Variants in INPP5F observed in about 807,000 individuals in gnomAD.
INPP5F encodes inositol polyphosphate-5-phosphatase F.
In INPP5F, 97 loss-of-function variants were observed where a neutral mutation model predicts 137.2. The ratio of observed to expected loss-of-function variants is 0.71; its 90% CI spans 0.60 to 0.84. The LOEUF (loss-of-function observed/expected upper bound fraction) is 0.84. Ranked by LOEUF, INPP5F falls within the 40% of genes least tolerant of loss-of-function variation. INPP5F has a pLI of 0.00. For synonymous variants in INPP5F, 504 were observed against 476.9 expected (o/e 1.06, Z -0.74); for missense variants, 1,271 against 1,371.9 (o/e 0.93, Z 1.16).
intron 1 of INPP5F, among the ~76,000 whole-genome samples, chr10:119,732,763 A>C (rs570046255): frequency 1.6e-4 from 24 of 151,998 alleles, no homozygotes; most frequent in Non-Finnish European, 2.9e-4. Context: ...AGCCTCCCAA[A>C]AGTGCTGGCA....
At chr10:119,745,562 C>T (rs578129832) in intron 1 of INPP5F, among the ~76,000 whole-genome samples, 6 of 138,854 alleles carry the variant, frequency 4.3e-5, no homozygotes, top group African/African-American at 5.5e-5. Flanking sequence ...ACCTTCTGAA[C>T]GACTGAAAAC....
intron 3 of INPP5F, among the ~76,000 whole-genome samples, chr10:119,785,819 A>T (rs1473018367): frequency 6.6e-6 from 1 of 152,168 alleles, no homozygotes; most frequent in Non-Finnish European, 1.5e-5. Context: ...TGATTGCACC[A>T]CAGCACTCTA....
chr10:119,812,633 T>C (rs1192995576), intron 15 of INPP5F, among the ~76,000 whole-genome samples: 1 of 152,204 alleles, frequency 6.6e-6, no homozygotes, highest in East Asian at 1.9e-4. Flanking sequence ...TGCTTGAAAG[T>C]ACAATTAAAG....
Position 119,748,865 on chromosome 10 carries a change from C to T in INPP5F, c.98-2211C>T, listed in dbSNP as rs1160861522. 6.6e-6 allele frequency among the ~76,000 whole-genome samples: 1 copy of T among 152,188 alleles called. No homozygotes were observed. The highest frequency in any genetic ancestry group is 1.5e-5 in the Non-Finnish European group (1 of 68,026). On this transcript the variant is annotated intron_variant, in intron 1 of 19. Transcript: ENST00000650623. This position sits in a 1 kb window ranked among gnomAD's most constrained non-coding sequence, Gnocchi z 4.7. ...TTGAAGGTGGGGTTTTACCTGTGATCTGCCCCTTTCTGGACAGGAACCTGT... is the reference window on the plus strand; with the variant it reads ...TTGAAGGTGGGGTTTTACCTGTGATTTGCCCCTTTCTGGACAGGAACCTGT...
Position 119,782,507 on chromosome 10 carries a change from C to T in INPP5F, c.315+736C>T, listed in dbSNP as rs1849740779. The stretch of plus-strand genomic sequence containing the variant: ...TTACATAGATGATAATATTTAGTCC[C>T]CAAGACCCCCCTATGAGGTAGACAT... On this transcript the variant is annotated intron_variant, in intron 3 of 19. Coordinates refer to ENST00000650623, the MANE Select transcript of INPP5F (RefSeq NM_014937.4). 3.9e-5 allele frequency among the ~76,000 whole-genome samples: 6 copies of T among 152,182 alleles called. No individual in the cohort carries two copies. In the South Asian group the frequency reaches 1.2e-3, roughly 32 times the overall value.
chr10:119,771,775 A>G (rs1015073335), intron 2 of INPP5F, among the ~76,000 whole-genome samples: 1 of 132,968 alleles, frequency 7.5e-6, no homozygotes, highest in African/African-American at 2.9e-5. Flanking sequence ...TGATCTTCCT[A>G]TTTTATTTCA....
At position 119,811,869 on chromosome 10, in the gene INPP5F, C is replaced by T. The variant is rs371724974; in HGVS notation, c.1800C>T (p.Ser600=). ...AGAGAAGCCACCAGGAACTAATTAG[C>T]CAGCTCTTACAAAGTTACATGAAGT... ...ENQRSHQELI[S]QLLQSYMKLL... Residue 600 remains serine (S), a synonymous_variant, in exon 15 of 20, where the codon AGC becomes AGT. Coordinates refer to ENST00000650623, the MANE Select transcript of INPP5F (RefSeq NM_014937.4). 1 of 1,614,062 alleles carries T rather than the reference C, an allele frequency of 6.2e-7. No individual in the cohort carries two copies. Among genetic ancestry groups the T allele is most frequent in the Non-Finnish European group, 8.5e-7 (1 of 1,179,902 alleles).
At chr10:119,809,986 C>A in intron 13 of INPP5F, 114 bp from the exon 14 acceptor site, 1 of 672,484 alleles carries the variant, frequency 1.5e-6, no homozygotes, top group Non-Finnish European at 2.7e-6. Context: ...AGAAGTCAGA[C>A]CTTGGAAATT....
chr10:119,794,616 C>T (rs1368141509), intron 6 of INPP5F, among the ~76,000 whole-genome samples: 1 of 151,224 alleles, frequency 6.6e-6, no homozygotes, highest in Non-Finnish European at 1.5e-5. Flanking sequence ...GCGCCCCTCA[C>T]CTCCCGTACG....
rs373446912 is a variant in INPP5F, at chr10:119,747,982, G to A, written c.98-3094G>A. Among the ~76,000 whole-genome samples, 26 of 152,336 alleles carry A rather than the reference G, an allele frequency of 1.7e-4. No individual in the cohort carries two copies. In the South Asian group the frequency reaches 5.0e-3, roughly 29 times the overall value. ...CCTGGACACTTCTGTGGCCAGTGGCGATTTTGCCTGAGTTTTCCTCGGGTC... is the reference window on the plus strand; with the variant it reads ...CCTGGACACTTCTGTGGCCAGTGGCAATTTTGCCTGAGTTTTCCTCGGGTC... On this transcript the variant is annotated intron_variant, in intron 1 of 19. Coordinates refer to ENST00000650623, the MANE Select transcript of INPP5F (RefSeq NM_014937.4).
chr10:119,769,604 G>A (rs565369862), intron 2 of INPP5F, among the ~76,000 whole-genome samples: 6 of 152,252 alleles, frequency 3.9e-5, no homozygotes, highest in African/African-American at 9.6e-5. Flanking sequence ...GCATCATCCC[G>A]TCTGTTGAGG....
At chr10:119,759,364 C>T (rs1437815581) in intron 2 of INPP5F, among the ~76,000 whole-genome samples, 1 of 151,884 alleles carries the variant, frequency 6.6e-6, no homozygotes, top group South Asian at 2.1e-4. Context: ...ATGAGGATCT[C>T]AGAGTTACTG....
chr10:119,798,621 A>G lies in INPP5F; in HGVS notation c.1116+11A>G, dbSNP rs1360129868. ...ATTTACAAAAAACAGGTGGGCTTTG[A>G]TTTACAGTAGTAAAATGTTCCTTCA... On this transcript the variant is annotated intron_variant, in intron 9 of 19. Transcript: ENST00000650623. 6.3e-7 allele frequency: 1 copy of G among 1,588,572 alleles called. No individual in the cohort carries two copies. Among genetic ancestry groups the G allele is most frequent in the South Asian group, 1.1e-5 (1 of 89,928 alleles).
At chr10:119,804,087 CTG>C (rs1400531248) in intron 9 of INPP5F, 84 bp from the exon 10 acceptor site, 7 of 930,996 alleles carry the variant, frequency 7.5e-6, no homozygotes, top group Admixed American at 2.6e-5. Context: ...AAAAACCACA[CTG>C]TGATTCTAAC....
intron 9 of INPP5F, among the ~76,000 whole-genome samples, chr10:119,801,873 T>A (rs1850607307): frequency 6.6e-6 from 1 of 152,188 alleles, no homozygotes; most frequent in East Asian, 1.9e-4. Context: ...CCTCCCACAC[T>A]CATCCTGCTC....
chr10:119,764,974 C>T (rs539071529), intron 2 of INPP5F, among the ~76,000 whole-genome samples: 39 of 152,080 alleles, frequency 2.6e-4, no homozygotes, highest in Non-Finnish European at 4.4e-4. Context: ...CTCTTGTCGC[C>T]CAGACTGGAG....
Position 119,730,819 on chromosome 10 carries a change from C to T in INPP5F, c.97+4460C>T, listed in dbSNP as rs899441757. On this transcript the variant is annotated intron_variant, in intron 1 of 19. Transcript: ENST00000650623. Reference sequence around the variant, plus strand: ...TTTTTTTTTTTTTGAGATTGAGTCTCGCTCTGTTGCCAGGCTGGAGTGCAG... The same window carrying T: ...TTTTTTTTTTTTTGAGATTGAGTCTTGCTCTGTTGCCAGGCTGGAGTGCAG... Among the ~76,000 whole-genome samples, 8 of 151,072 alleles carry T rather than the reference C, an allele frequency of 5.3e-5. No individual in the cohort carries two copies. The East Asian group carries it at 5.8e-4, about 11-fold the overall frequency.
At chr10:119,824,652 A>G (rs1851694043) in intron 19 of INPP5F, among the ~76,000 whole-genome samples, 1 of 152,192 alleles carries the variant, frequency 6.6e-6, no homozygotes, top group African/African-American at 2.4e-5. Context: ...ATTTAGGGGA[A>G]ATTACTTTGA....
chr10:119,809,355 T>G (rs1850934248), intron 13 of INPP5F, among the ~76,000 whole-genome samples: 1 of 152,230 alleles, frequency 6.6e-6, no homozygotes, highest in African/African-American at 2.4e-5. Flanking sequence ...AGAGACTTGT[T>G]GCTCTACTAA....
Sources: allele counts gnomAD v4.1 joint callset (sites outside exome capture counted in the v4.1 genomes callset), GRCh38; gene constraint gnomAD v4.1.1; non-coding constraint Gnocchi (gnomAD v3.1); transcripts MANE v1.5; gene names NCBI Gene and HGNC (gene_info 2026-07-23, HGNC 2026-07-21).